TMEM74: variants seen among roughly 807,000 people sequenced by gnomAD.
TMEM74 encodes transmembrane protein 74.
In TMEM74, 13 loss-of-function variants were observed where a neutral mutation model predicts 18.1. The ratio of observed to expected loss-of-function variants is 0.72; its 90% CI spans 0.47 to 1.14. TMEM74 has a LOEUF of 1.14. Among genes scored for constraint, TMEM74 ranks in the 50% most tolerant of loss-of-function variants. The probability of loss-of-function intolerance (pLI) is 0.00; values close to 1 mark genes in which losing one functional copy is unlikely to be tolerated. For synonymous variants in TMEM74, 159 were observed against 146.6 expected, an observed-to-expected ratio of 1.08 and a Z score of -0.61; for missense variants, 372 against 375.9, an observed-to-expected ratio of 0.99 and a Z score of 0.09.
chr8:108,620,590 T>C (rs1266133634), intron 2 of TMEM74, among the ~76,000 whole-genome samples: 1 of 152,190 alleles, frequency 6.6e-6, no homozygotes. Context: ...TCCTTTGTGG[T>C]GAAGCTGGCA....
At chr8:108,773,925 A>G (rs955465101) in intron 1 of TMEM74, among the ~76,000 whole-genome samples, 39 of 152,210 alleles carry the variant, frequency 2.6e-4, no homozygotes, top group Admixed American at 2.3e-3. Flanking sequence ...TGACCAACAG[A>G]AAACTGTGTG....
intron 1 of TMEM74, among the ~76,000 whole-genome samples, chr8:108,721,046 G>T (rs1002497534): frequency 7.9e-5 from 12 of 152,168 alleles, no homozygotes; most frequent in Admixed American, 2.0e-4. Context: ...TGGGATTACA[G>T]GCGTGAGCCA....
intron 1 of TMEM74, among the ~76,000 whole-genome samples, chr8:108,735,210 A>T (rs1813736229): frequency 6.6e-6 from 1 of 152,206 alleles, no homozygotes; most frequent in African/African-American, 2.4e-5. Flanking sequence ...TGGAGAAACA[A>T]TTCACTTACC....
At chr8:108,705,501 A>C (rs1349855968) in intron 1 of TMEM74, among the ~76,000 whole-genome samples, 1 of 152,176 alleles carries the variant, frequency 6.6e-6, no homozygotes, top group Non-Finnish European at 1.5e-5. Context: ...AATTAGGAAA[A>C]GGCTCCCCTG....
chr8:108,623,178 T>C (rs1244025154), intron 2 of TMEM74, among the ~76,000 whole-genome samples: 1 of 152,164 alleles, frequency 6.6e-6, no homozygotes, highest in Non-Finnish European at 1.5e-5. Flanking sequence ...GTTTTGACTG[T>C]ATGTCAAGGC....
chr8:108,784,308 CT>C lies in TMEM74; in HGVS notation c.790del (p.Arg264AspfsTer19). The C allele has an allele frequency of 6.2e-7, 1 of 1,614,054 alleles. No homozygotes were observed. Among genetic ancestry groups the C allele is most frequent in the South Asian group, 1.1e-5 (1 of 91,076 alleles). ...MWKGELYRRN[R>X]FASSKESAKL... The stretch of plus-strand genomic sequence containing the variant: ...TGCAGACTCTTTGGAAGAGGCAAAT[CT>C]GTTTCGACGATAGAGCTCCCCCTTC... On this transcript the variant is annotated frameshift_variant, in exon 2 of 2. Coordinates refer to ENST00000297459, the MANE Select transcript of TMEM74 (RefSeq NM_153015.3). LOFTEE classifies it high-confidence loss of function.
intron 1 of TMEM74, among the ~76,000 whole-genome samples, chr8:108,734,297 G>A (rs553306082): frequency 6.6e-6 from 1 of 152,150 alleles, no homozygotes; most frequent in Admixed American, 6.5e-5. Context: ...CTTCATCCTT[G>A]GAGTGAGAGT....
At chr8:108,656,461 C>T (rs145197208) in intron 1 of TMEM74, among the ~76,000 whole-genome samples, 36 of 152,232 alleles carry the variant, frequency 2.4e-4, no homozygotes, top group Admixed American at 1.4e-3. Flanking sequence ...ATAGTCCATT[C>T]GAACTTCAAT....
exon 4 of TMEM74, chr8:108,607,119 T>C (rs968368104): frequency 1.3e-5 from 2 of 152,220 alleles, no homozygotes; most frequent in African/African-American, 4.8e-5. Context: ...ATTTCTTGCA[T>C]GTGATCACAC....
At chr8:108,609,082 G>C (rs1181654120) in intron 2 of TMEM74, among the ~76,000 whole-genome samples, 1 of 152,152 alleles carries the variant, frequency 6.6e-6, no homozygotes, top group East Asian at 1.9e-4. Flanking sequence ...TTTTATAAAA[G>C]GTCTTGCAAA....
chr8:108,768,334 C>A (rs181519232), intron 1 of TMEM74, among the ~76,000 whole-genome samples: 1 of 152,192 alleles, frequency 6.6e-6, no homozygotes, highest in African/African-American at 2.4e-5. Flanking sequence ...TTTCTCTCTT[C>A]GACATCCTAA....
chr8:108,770,091 T>C (rs1814154827), intron 1 of TMEM74, among the ~76,000 whole-genome samples: 1 of 152,152 alleles, frequency 6.6e-6, no homozygotes, highest in African/African-American at 2.4e-5. Flanking sequence ...CATTGGACTT[T>C]CTCCATAGAT....
intron 1 of TMEM74, among the ~76,000 whole-genome samples, chr8:108,711,750 T>G (rs1480803550): frequency 6.6e-6 from 1 of 151,714 alleles, no homozygotes; most frequent in Admixed American, 6.6e-5. Context: ...AAGAGGGAGG[T>G]CTCCTAGGGC....
chr8:108,735,153 C>T (rs1397214644), intron 1 of TMEM74, among the ~76,000 whole-genome samples: 1 of 152,178 alleles, frequency 6.6e-6, no homozygotes, highest in Admixed American at 6.6e-5. Context: ...CCCACTTCTG[C>T]GTCTTCATGA....
At chr8:108,766,405 C>T (rs1244954021) in intron 1 of TMEM74, among the ~76,000 whole-genome samples, 1 of 152,036 alleles carries the variant, frequency 6.6e-6, no homozygotes, top group African/African-American at 2.4e-5. Flanking sequence ...AAATTATATT[C>T]TTTAACCTTC....
intron 1 of TMEM74, among the ~76,000 whole-genome samples, chr8:108,754,789 T>C (rs1170551668): frequency 6.6e-6 from 1 of 151,648 alleles, no homozygotes; most frequent in Non-Finnish European, 1.5e-5. Flanking sequence ...GGAAAGTGCA[T>C]GATATAGTTC....
intron 2 of TMEM74, among the ~76,000 whole-genome samples, chr8:108,610,783 A>G (rs933698194): frequency 2.0e-5 from 3 of 152,230 alleles, no homozygotes; most frequent in Non-Finnish European, 4.4e-5. Flanking sequence ...GGCTTAAAGG[A>G]TCACAGGCTT....
intron 1 of TMEM74, among the ~76,000 whole-genome samples, chr8:108,680,005 G>C (rs1813095747): frequency 6.6e-6 from 1 of 152,096 alleles, no homozygotes; most frequent in Non-Finnish European, 1.5e-5. Flanking sequence ...TTGAATCTCT[G>C]AATAGACCAA....
downstream of TMEM74, among the ~76,000 whole-genome samples, chr8:108,776,728 C>CATGATGATGATG (rs71305917): frequency 0.012 from 1,825 of 147,990 alleles, 43 homozygotes; most frequent in African/African-American, 0.042. Context: ...GCAGTTTCCA[C>CATGATGATGATG]ATGATGATGA....
Sources: allele counts gnomAD v4.1 joint callset (sites outside exome capture counted in the v4.1 genomes callset), GRCh38; gene constraint gnomAD v4.1.1; transcripts MANE v1.5; gene names NCBI Gene and HGNC (gene_info 2026-07-23, HGNC 2026-07-21).